The following USP10 variants were observed in gnomAD, a reference collection of about 807,000 sequenced individuals.
USP10 encodes ubiquitin carboxyl-terminal hydrolase 10.
In USP10, 22 loss-of-function variants were observed where a neutral mutation model predicts 84.5. The observed-to-expected ratio is 0.26, with a 90% CI of 0.19 to 0.37. The LOEUF (loss-of-function observed/expected upper bound fraction) is 0.37, where lower values mean the gene tolerates loss of function less well. Among genes scored for constraint, USP10 ranks in the 10% least tolerant of loss-of-function variants. The probability of loss-of-function intolerance (pLI) is 1.00; values close to 1 mark genes in which losing one functional copy is unlikely to be tolerated. For missense variants in USP10, 1,019 were observed against 998.9 expected (o/e 1.02, Z -0.27); for synonymous variants, 454 against 387.6 (o/e 1.17, Z -2.01).
At position 84,726,575 on chromosome 16, in the gene USP10, C is replaced by A. The variant is rs895904183; in HGVS notation, c.22-6860C>A. On this transcript the variant is annotated intron_variant, in intron 1 of 13. Transcript: ENST00000219473. ...GAGGAAGGTGTCTTTTGTTCCCATCCCTGCTGTGGTGTGGGCTTGCCCCCC... is the reference window on the plus strand; with the variant it reads ...GAGGAAGGTGTCTTTTGTTCCCATCACTGCTGTGGTGTGGGCTTGCCCCCC... 9.8e-5 allele frequency among the ~76,000 whole-genome samples: 15 copies of A among 152,312 alleles called. No individual in the cohort carries two copies. The East Asian group carries it at 2.9e-3, about 29-fold the overall frequency.
intron 12 of USP10, among the ~76,000 whole-genome samples, chr16:84,774,121 G>A (rs983046081): frequency 6.6e-6 from 1 of 152,106 alleles, no homozygotes; most frequent in African/African-American, 2.4e-5. Flanking sequence ...ATGGTGGTGG[G>A]TGCCTGTAAT....
chr16:84,713,283 G>A (rs776415273), intron 1 of USP10, among the ~76,000 whole-genome samples: 1 of 152,148 alleles, frequency 6.6e-6, no homozygotes, highest in East Asian at 1.9e-4. Context: ...CCCTCTGTCT[G>A]TAGACAGGCT....
At chr16:84,769,085 A>C (rs774295) in intron 11 of USP10, among the ~76,000 whole-genome samples, 99,416 of 152,014 alleles carry the variant, frequency 0.65, 32,788 homozygotes, top group Non-Finnish European at 0.7. Flanking sequence ...CAGTGAATTC[A>C]TAAAAATGCA....
intron 1 of USP10, among the ~76,000 whole-genome samples, chr16:84,705,305 C>G (rs1002376773): frequency 9.9e-5 from 15 of 151,646 alleles, no homozygotes; most frequent in African/African-American, 3.6e-4. Flanking sequence ...TATCTTGTCT[C>G]ACTGCAACTT....
intron 1 of USP10, among the ~76,000 whole-genome samples, chr16:84,714,664 C>G (rs11149677): frequency 0.27 from 40,452 of 151,526 alleles, 5,698 homozygotes; most frequent in Admixed American, 0.4. Flanking sequence ...TTTTTTTGGT[C>G]CAATTTTTAG....
At chr16:84,704,899 C>G (rs1905276811) in intron 1 of USP10, 1 of 1,535,660 alleles carries the variant, frequency 6.5e-7, no homozygotes, top group Non-Finnish European at 8.7e-7. Context: ...GGGGCTGTTA[C>G]AGCCTGAATT....
At position 84,759,931 on chromosome 16, in the gene USP10, C is replaced by G. The variant is rs1417563849; in HGVS notation, c.1435C>G (p.Pro479Ala). The change falls in exon 7 of 14, where the codon CCA (proline) becomes GCA (alanine). Residue 479 changes from proline (P) to alanine (A), a missense_variant. By Grantham distance (27) the Pro-to-Ala change is conservative (BLOSUM62 -1). Coordinates refer to ENST00000219473, the MANE Select transcript of USP10 (RefSeq NM_005153.3). ...MNEFTNMPVP[P>A]KPRQALGDKI... ...TGAGTTCACTAATATGCCAGTACCT[C>G]CAAAACCCCGACAAGGTTAGTAAAA... 6.2e-7 allele frequency: 1 copy of G among 1,613,864 alleles called. No individual in the cohort carries two copies. The highest frequency in any genetic ancestry group is 1.3e-5 in the African/African-American group (1 of 74,930).
At chr16:84,761,042 T>G (rs1341508419) in intron 8 of USP10, among the ~76,000 whole-genome samples, 1 of 152,242 alleles carries the variant, frequency 6.6e-6, no homozygotes, top group African/African-American at 2.4e-5. Flanking sequence ...CATAGGGTCT[T>G]AAGCTTTTTA....
chr16:84,773,377 C>G (rs1048328203), intron 12 of USP10, among the ~76,000 whole-genome samples: 1 of 152,162 alleles, frequency 6.6e-6, no homozygotes, highest in Non-Finnish European at 1.5e-5. Context: ...ACTCCTGGGT[C>G]CTGCAGAGGA....
At chr16:84,718,496 C>T (rs539213038) in intron 1 of USP10, among the ~76,000 whole-genome samples, 3 of 152,250 alleles carry the variant, frequency 2.0e-5, no homozygotes, top group South Asian at 4.1e-4. Flanking sequence ...CGGTGGCTCA[C>T]GCCTGTAATC....
intron 1 of USP10, among the ~76,000 whole-genome samples, chr16:84,720,566 A>T (rs1383720370): frequency 3.8e-5 from 5 of 130,456 alleles, no homozygotes; most frequent in Non-Finnish European, 1.6e-5. Flanking sequence ...GAATAAAAAG[A>T]TGATGCCCAA....
chr16:84,720,576 A>ATTTTTTTTTTT (rs10699847), intron 1 of USP10, among the ~76,000 whole-genome samples: 929 of 88,316 alleles, frequency 0.011, 112 homozygotes, highest in African/African-American at 0.031. Flanking sequence ...ATGATGCCCA[A>ATTTTTTTTTTT]TTTTTTTTTT....
chr16:84,737,255 A>G (rs915913407), intron 2 of USP10, among the ~76,000 whole-genome samples: 3 of 152,184 alleles, frequency 2.0e-5, no homozygotes, highest in Non-Finnish European at 4.4e-5. Context: ...CTGTTTTCAC[A>G]CTGTGCGTTT....
intron 11 of USP10, 140 bp from the exon 12 acceptor site, chr16:84,772,401 G>T: frequency 8.7e-7 from 1 of 1,150,692 alleles, no homozygotes; most frequent in Non-Finnish European, 1.3e-6. Flanking sequence ...GCTTCTGTGG[G>T]GCAGGAAAAG....
chr16:84,714,240 G>A (rs764129594), intron 1 of USP10, among the ~76,000 whole-genome samples: 13 of 152,214 alleles, frequency 8.5e-5, no homozygotes, highest in Non-Finnish European at 1.6e-4. Context: ...GAGCCAGCTC[G>A]TTGTGGTTTG....
intron 2 of USP10, among the ~76,000 whole-genome samples, chr16:84,737,063 C>T (rs1355676188): frequency 6.6e-6 from 1 of 152,252 alleles, no homozygotes; most frequent in Non-Finnish European, 1.5e-5. Context: ...GCTGGGATTA[C>T]AGGCGTGAGC....
chr16:84,760,359 T>A lies in USP10; in HGVS notation c.1554+84T>A, dbSNP rs890216099. The A allele has an allele frequency of 2.0e-5, 25 of 1,239,772 alleles. No individual in the cohort carries two copies. In the African/African-American group the frequency reaches 3.2e-4, roughly 16 times the overall value. 76.8% of individuals were successfully genotyped at this position (1,239,772 alleles called of 1,614,324 possible). On this transcript the variant is annotated intron_variant, in intron 8 of 13. Transcript: ENST00000219473. ...GTGGTAACTGTTGCTTATTGATATTTGCCCTCTGTCTCCAGCGCTATAAGT... is the reference window on the plus strand; with the variant it reads ...GTGGTAACTGTTGCTTATTGATATTAGCCCTCTGTCTCCAGCGCTATAAGT...
rs59190412 is a variant in USP10 at position 84,765,599 on chromosome 16, C to T, written c.1832+1336C>T. On this transcript the variant is annotated intron_variant, in intron 10 of 13. Coordinates refer to ENST00000219473, the MANE Select transcript of USP10 (RefSeq NM_005153.3). The stretch of plus-strand genomic sequence containing the variant: ...GGTTCATTCCTGTTGTGGCAAATGG[C>T]AGGGTCTTTATTACAGCTGAATAGT... Among the ~76,000 whole-genome samples the T allele has an allele frequency of 7.9e-3, 1,193 of 151,948 alleles. 10 individuals carry two copies. The highest frequency in any genetic ancestry group is 0.027 in the African/African-American group (1,114 of 41,432).
chr16:84,766,801 A>G (rs1189326063), intron 10 of USP10, among the ~76,000 whole-genome samples: 1 of 152,202 alleles, frequency 6.6e-6, no homozygotes, highest in Non-Finnish European at 1.5e-5. Context: ...GAAAAACGGT[A>G]AAGCAAAGAT....
Sources: gnomAD v4.1 joint callset for allele counts (sites outside exome capture counted in the v4.1 genomes callset) on GRCh38, gnomAD v4.1.1 for gene constraint, MANE v1.5 for transcripts, NCBI Gene and HGNC (gene_info 2026-07-23, HGNC 2026-07-21) for gene names.